RP1: variants seen among roughly 807,000 people sequenced by gnomAD.
The protein encoded by RP1 is oxygen-regulated protein 1.
A neutral mutation model predicts 14.8 loss-of-function variants in RP1; 16 were observed. The ratio of observed to expected loss-of-function variants is 1.08; its 90% confidence interval spans 0.73 to 1.65. The LOEUF is 1.65. RP1 is among the 40% of genes most tolerant of loss of function. The pLI is 0.00. For missense variants in RP1, 2,631 were observed against 2,535.0 expected, an observed-to-expected ratio of 1.04 and a Z score of -0.81; for synonymous variants, 876 against 883.6, an observed-to-expected ratio of 0.99 and a Z score of 0.15.
At chr8:54,617,938 C>T (rs773897270) in intron 1 of RP1, among the ~76,000 whole-genome samples, 3 of 152,166 alleles carry the variant, frequency 2.0e-5, no homozygotes, top group Admixed American at 2.0e-4. Flanking sequence ...TTATCATGTT[C>T]TGGGTTTTAC....
chr8:54,738,225 A>C (rs1183497668), intron 18 of RP1, among the ~76,000 whole-genome samples: 3 of 152,226 alleles, frequency 2.0e-5, no homozygotes, highest in African/African-American at 7.2e-5. Flanking sequence ...CAGATAAAGA[A>C]ATTGAAGATA....
chr8:54,869,181 T>A (rs1214845451), intron 28 of RP1, among the ~76,000 whole-genome samples: 1 of 151,924 alleles, frequency 6.6e-6, no homozygotes, highest in Admixed American at 6.6e-5. Flanking sequence ...ATTGGTGGAG[T>A]CAGGATTCAG....
rs1382360091 is a variant in RP1, at chr8:54,621,681, T to C, written c.615+100T>C. ...ATGGTGGCCCCCGGGAAGGAAATCT[T>C]CCTTCCTCCCTGCCTGTGTATGTGA... On this transcript the variant is annotated intron_variant, in intron 2 of 3. Coordinates refer to ENST00000220676, the MANE Select transcript of RP1 (RefSeq NM_006269.2). The C allele has an allele frequency of 1.4e-5, 22 of 1,551,268 alleles. No individual in the cohort carries two copies. The Admixed American group carries it at 3.3e-4, about 24-fold the overall frequency.
intron 24 of RP1, among the ~76,000 whole-genome samples, chr8:54,803,676 A>G (rs998563947): frequency 1.3e-5 from 2 of 152,224 alleles, no homozygotes; most frequent in African/African-American, 2.4e-5. Context: ...AAAAACATGT[A>G]TGCTACAATT....
chr8:54,744,800 CT>C (rs1809185244), intron 19 of RP1, among the ~76,000 whole-genome samples: 1 of 152,146 alleles, frequency 6.6e-6, no homozygotes, highest in Non-Finnish European at 1.5e-5. Context: ...ATCTTTATGT[CT>C]TTTATATAGT....
chr8:54,701,775 T>C (rs1808026655), intron 14 of RP1: 1 of 941,112 alleles, frequency 1.1e-6, no homozygotes, highest in Non-Finnish European at 1.5e-6. Context: ...CACTTCCCAC[T>C]AGGTGGCATT....
chr8:54,577,669 C>A (rs1804691397), intron 1 of RP1, among the ~76,000 whole-genome samples: 2 of 152,230 alleles, frequency 1.3e-5, no homozygotes, highest in African/African-American at 4.8e-5. Context: ...CTCATTTAAT[C>A]CTCAAGATAA....
intron 28 of RP1, among the ~76,000 whole-genome samples, chr8:54,867,516 C>T (rs1812484455): frequency 6.6e-6 from 1 of 152,100 alleles, no homozygotes; most frequent in African/African-American, 2.4e-5. Flanking sequence ...TCAGTTTATT[C>T]TTATGTAAAA....
At chr8:54,652,817 G>A (rs530568194) in exon 5 of RP1, 1,185 of 1,535,626 alleles carry the variant, frequency 7.7e-4, no homozygotes, top group Non-Finnish European at 8.7e-4. Flanking sequence ...TTTAAGATTC[G>A]TATTGGTCAT....
chr8:54,639,472 T>G (rs1281183571), intron 3 of RP1, among the ~76,000 whole-genome samples: 1 of 152,140 alleles, frequency 6.6e-6, no homozygotes, highest in African/African-American at 2.4e-5. Context: ...TAATTGTATG[T>G]TAATGAGAAA....
In RP1 at chr8:54,820,674, A is replaced by G. The variant is rs573340265; in HGVS notation, c.3616-16776A>G. On this transcript the variant is annotated intron_variant, in intron 24 of 28. Transcript: ENST00000637698. ...GTGGAGGGCTGGTGTGGGCAGTGCA[A>G]GATTGTCTTTTCGGCCATCTTCAGT... is the stretch of plus-strand genomic sequence containing the variant. Among the ~76,000 whole-genome samples the G allele has an allele frequency of 5.9e-5, 9 of 152,258 alleles. No individual in the cohort carries two copies. In the South Asian group the frequency reaches 1.9e-3, roughly 32 times the overall value.
Position 54,630,685 on chromosome 8 carries a change from ATGT to A in RP1, c.*337_*339del, listed in dbSNP as rs1806230526. 22 of 1,104,828 alleles carry A rather than the reference ATGT, an allele frequency of 2.0e-5. No individual in the cohort carries two copies. In the South Asian group the frequency reaches 4.6e-4, roughly 23 times the overall value. The allele number at this position is 1,104,828 out of a possible 1,614,324, so 68.4% of individuals were successfully genotyped here. ...ACAAGAATTATATCCTTTTTAAAAA[ATGT>A]TGTTAGCTTGGTGTAAAATGTATAT... On this transcript the variant is annotated 3_prime_UTR_variant, in exon 4 of 4. Transcript: ENST00000220676.
chr8:54,668,861 T>G (rs1807077634), intron 7 of RP1, among the ~76,000 whole-genome samples: 1 of 152,144 alleles, frequency 6.6e-6, no homozygotes, highest in Admixed American at 6.5e-5. Context: ...TCCTTACACC[T>G]TATACAAAAA....
At chr8:54,839,075 A>T (rs1331263121) in intron 25 of RP1, among the ~76,000 whole-genome samples, 1 of 152,130 alleles carries the variant, frequency 6.6e-6, no homozygotes, top group African/African-American at 2.4e-5. Flanking sequence ...TCCAACCTTG[A>T]CCTTCATCAC....
At chr8:54,774,433 T>A (rs1809985920), downstream of RP1, among the ~76,000 whole-genome samples, 1 of 152,170 alleles carries the variant, frequency 6.6e-6, no homozygotes. Flanking sequence ...GAAGTCAACT[T>A]GTGAACAAGT....
chr8:54,790,067 C>T (rs1441922837), intron 24 of RP1, among the ~76,000 whole-genome samples: 1 of 152,138 alleles, frequency 6.6e-6, no homozygotes, highest in Non-Finnish European at 1.5e-5. Flanking sequence ...CACTTCTTGG[C>T]CAGGGAAAGC....
chr8:54,609,844 C>T (rs1805550146), intron 1 of RP1, among the ~76,000 whole-genome samples: 1 of 152,188 alleles, frequency 6.6e-6, no homozygotes, highest in South Asian at 2.1e-4. Flanking sequence ...TATTCCATCT[C>T]CCTGTTAGGC....
Position 54,656,234 on chromosome 8 carries a change from C to A in RP1, c.1171+19C>A, listed in dbSNP as rs370487301. ...CTTCCAGGTAGGAAAGATTCAACTC[C>A]AGGTAGCATGGATAAAACTTGTTTG... On this transcript the variant is annotated intron_variant, in intron 6 of 22. Coordinates refer to the RP1 transcript ENST00000636932. The A allele has an allele frequency of 9.2e-4, 1,398 of 1,527,270 alleles. 28 individuals carry two copies. In the South Asian group the frequency reaches 0.016, roughly 17 times the overall value. 94.6% of individuals were successfully genotyped at this position (1,527,270 alleles called of 1,614,324 possible).
In RP1 at chr8:54,709,199, T is replaced by C. The variant is rs116293548; in HGVS notation, c.2211+2544T>C. The stretch of plus-strand genomic sequence containing the variant: ...AGGATACATGAGGCAGAGGTGATTC[T>C]AAACACAAAACCAAAGTTTTCTTTA... On this transcript the variant is annotated intron_variant, in intron 15 of 22. Coordinates refer to the RP1 transcript ENST00000636932. 7.2e-3 allele frequency among the ~76,000 whole-genome samples: 1,104 copies of C among 152,328 alleles called. 19 individuals are homozygous for C. The highest frequency in any genetic ancestry group is 0.025 in the African/African-American group (1,046 of 41,572).
Sources: allele counts gnomAD v4.1 joint callset (sites outside exome capture counted in the v4.1 genomes callset), GRCh38; gene constraint gnomAD v4.1.1; transcripts MANE v1.5; gene names NCBI Gene and HGNC (gene_info 2026-07-23, HGNC 2026-07-21).